The following CTNNA3 variants were observed in gnomAD, a reference collection of about 807,000 sequenced individuals.
CTNNA3 encodes the protein catenin alpha 3.
Under a neutral mutation model 95.7 loss-of-function variants are expected in CTNNA3, and 76 were observed. The observed-to-expected ratio is 0.79, with a 90% CI of 0.66 to 0.96. CTNNA3 has a LOEUF of 0.96. Ranked by LOEUF, CTNNA3 falls within the 40% of genes least tolerant of loss-of-function variation. CTNNA3 has a pLI of 0.00. For missense variants in CTNNA3, 1,191 were observed against 1,089.8 expected (o/e 1.09, Z -1.31); for synonymous variants, 431 against 374.4 (o/e 1.15, Z -1.74).
intron 7 of CTNNA3, among the ~76,000 whole-genome samples, chr10:67,132,354 TAGGTA>T (rs917156949): frequency 2.0e-5 from 3 of 152,026 alleles, no homozygotes; most frequent in Non-Finnish European, 4.4e-5. Flanking sequence ...TATATGCACT[TAGGTA>T]TCAAGAAAGA....
chr10:66,437,971 G>C (rs1275480194), intron 11 of CTNNA3, among the ~76,000 whole-genome samples: 1 of 152,134 alleles, frequency 6.6e-6, no homozygotes, highest in Non-Finnish European at 1.5e-5. Flanking sequence ...CTGCAGGTCT[G>C]CTGGAGTTTG....
At chr10:67,327,425 C>T (rs1444668599) in intron 5 of CTNNA3, among the ~76,000 whole-genome samples, 1 of 152,074 alleles carries the variant, frequency 6.6e-6, no homozygotes, top group Non-Finnish European at 1.5e-5. Context: ...TATTTGATGA[C>T]CTTGAAGTTT....
intron 7 of CTNNA3, among the ~76,000 whole-genome samples, chr10:66,896,430 TTTTG>T (rs1162590946): frequency 1.6e-4 from 25 of 152,306 alleles, no homozygotes; most frequent in Middle Eastern, 3.4e-3. Flanking sequence ...CTTTGTTTGT[TTTTG>T]TTTATTTACA....
chr10:66,197,213 C>CAA (rs77462990), intron 13 of CTNNA3, among the ~76,000 whole-genome samples: 1 of 151,678 alleles, frequency 6.6e-6, no homozygotes, highest in Admixed American at 6.6e-5. Context: ...ATTGGCTTAT[C>CAA]AAAAAAACAA....
At chr10:66,435,867 T>A (rs1279036929) in intron 11 of CTNNA3, among the ~76,000 whole-genome samples, 1 of 152,336 alleles carries the variant, frequency 6.6e-6, no homozygotes, top group Admixed American at 6.5e-5. Flanking sequence ...CCAGAGATTC[T>A]GGTATGTTGT....
chr10:66,940,733 A>G (rs1847951216), intron 7 of CTNNA3, among the ~76,000 whole-genome samples: 1 of 152,126 alleles, frequency 6.6e-6, no homozygotes, highest in Non-Finnish European at 1.5e-5. Flanking sequence ...CAATGGCTAA[A>G]TTATTCCCAT....
intron 7 of CTNNA3, among the ~76,000 whole-genome samples, chr10:67,044,742 T>C (rs992157852): frequency 6.6e-6 from 1 of 152,204 alleles, no homozygotes; most frequent in Admixed American, 6.5e-5. Context: ...AGTAACATAA[T>C]AGATATTTTG....
At chr10:67,034,724 G>C (rs1853936751) in intron 7 of CTNNA3, among the ~76,000 whole-genome samples, 1 of 152,092 alleles carries the variant, frequency 6.6e-6, no homozygotes, top group African/African-American at 2.4e-5. Flanking sequence ...TGCAAAAACT[G>C]ACTCTCTAGT....
chr10:67,555,280 A>G (rs1319991047), intron 3 of CTNNA3, among the ~76,000 whole-genome samples: 1 of 152,078 alleles, frequency 6.6e-6, no homozygotes, highest in East Asian at 1.9e-4. Context: ...TTTTTTTCCA[A>G]TTCTGTGAAG....
chr10:66,883,035 G>C (rs901563743), intron 7 of CTNNA3, among the ~76,000 whole-genome samples: 2 of 151,984 alleles, frequency 1.3e-5, no homozygotes, highest in Non-Finnish European at 2.9e-5. Context: ...AATTTTTTAA[G>C]AGCTCCTGGA....
chr10:66,541,430 T>C (rs1188456793), intron 10 of CTNNA3, among the ~76,000 whole-genome samples: 1 of 152,114 alleles, frequency 6.6e-6, no homozygotes, highest in Non-Finnish European at 1.5e-5. Flanking sequence ...TGATTAGCCT[T>C]CCATTGCTTC....
chr10:66,120,604 A>G (rs1172444661), intron 13 of CTNNA3, among the ~76,000 whole-genome samples: 6 of 152,142 alleles, frequency 3.9e-5, no homozygotes, highest in Non-Finnish European at 2.9e-5. Context: ...AAGCATTATG[A>G]TTATAAATAA....
intron 11 of CTNNA3, among the ~76,000 whole-genome samples, chr10:66,435,008 G>A (rs995084571): frequency 9.9e-5 from 15 of 151,976 alleles, no homozygotes; most frequent in Non-Finnish European, 2.9e-5. Context: ...CTTGATTGTG[G>A]TGGATAAGCT....
At chr10:66,446,191 A>C (rs538180202) in intron 11 of CTNNA3, among the ~76,000 whole-genome samples, 6 of 152,254 alleles carry the variant, frequency 3.9e-5, no homozygotes, top group South Asian at 2.1e-4. Context: ...AATAGCTTAC[A>C]AACCAAAAAA....
chr10:66,499,354 CAAAT>C (rs1840201590), intron 11 of CTNNA3, among the ~76,000 whole-genome samples: 1 of 151,996 alleles, frequency 6.6e-6, no homozygotes, highest in African/African-American at 2.4e-5. Context: ...GAATAAGTAA[CAAAT>C]AAAAAACTAG....
chr10:67,726,449 A>G (rs1247300770), intron 1 of CTNNA3, among the ~76,000 whole-genome samples: 3 of 72,964 alleles, frequency 4.1e-5, no homozygotes, highest in East Asian at 5.1e-4. Flanking sequence ...AATATATAAT[A>G]TTATATATGA....
chr10:66,960,956 T>TTA (rs1849076737), intron 7 of CTNNA3, among the ~76,000 whole-genome samples: 2 of 152,158 alleles, frequency 1.3e-5, no homozygotes, highest in Non-Finnish European at 2.9e-5. Flanking sequence ...TCACAAGGGA[T>TTA]CCTTTCTGAG....
intron 6 of CTNNA3, among the ~76,000 whole-genome samples, chr10:67,215,171 C>G (rs141452408): frequency 0.011 from 1,648 of 152,164 alleles, 32 homozygotes; most frequent in African/African-American, 0.038. Flanking sequence ...ATTCTCTAAC[C>G]TAATCACCTG....
intron 9 of CTNNA3, among the ~76,000 whole-genome samples, chr10:66,749,782 T>A (rs1053096782): frequency 6.6e-6 from 1 of 152,224 alleles, no homozygotes; most frequent in Non-Finnish European, 1.5e-5. Flanking sequence ...TGTAAGAAAC[T>A]GCCAAACTGT....
Sources: allele counts gnomAD v4.1 joint callset (sites outside exome capture counted in the v4.1 genomes callset), GRCh38; gene constraint gnomAD v4.1.1; transcripts MANE v1.5; gene names NCBI Gene and HGNC (gene_info 2026-07-23, HGNC 2026-07-21).